Variants in FER observed in about 807,000 individuals in gnomAD.
FER encodes FER tyrosine kinase, also known as tyrosine-protein kinase Fer.
A neutral mutation model predicts 111.0 loss-of-function variants in FER; 63 were observed. The ratio of observed to expected loss-of-function variants is 0.57; its 90% CI spans 0.46 to 0.70. FER has a LOEUF of 0.70. FER is among the 30% of genes least tolerant of loss of function. FER has a pLI of 0.00. For synonymous variants in FER, 327 were observed against 313.9 expected (o/e 1.04, Z -0.44); for missense variants, 914 against 954.0 (o/e 0.96, Z 0.55).
chr5:109,178,833 A>G (rs756143547), intron 17 of FER, among the ~76,000 whole-genome samples: 8 of 152,218 alleles, frequency 5.3e-5, no homozygotes, highest in Admixed American at 6.5e-5. Context: ...ATCTAGTTCT[A>G]CAACACATCA....
chr5:109,069,681 TG>T (rs1337072684), intron 16 of FER, among the ~76,000 whole-genome samples: 1 of 152,120 alleles, frequency 6.6e-6, no homozygotes, highest in African/African-American at 2.4e-5. Flanking sequence ...ATGACAAGGT[TG>T]TTGCCAAAAG....
intron 1 of FER, among the ~76,000 whole-genome samples, chr5:108,750,577 A>G (rs1750368424): frequency 6.6e-6 from 1 of 152,214 alleles, no homozygotes; most frequent in African/African-American, 2.4e-5. Context: ...AATATACATA[A>G]TCTAAAACTA....
intron 1 of FER, among the ~76,000 whole-genome samples, chr5:108,760,444 C>A (rs1024601109): frequency 2.0e-5 from 3 of 152,122 alleles, no homozygotes; most frequent in Admixed American, 6.6e-5. Context: ...CTATGAAAGT[C>A]CCAGATGACA....
chr5:108,762,380 T>A (rs1751857250), intron 1 of FER, among the ~76,000 whole-genome samples: 1 of 152,224 alleles, frequency 6.6e-6, no homozygotes, highest in Non-Finnish European at 1.5e-5. Context: ...ATACCTATAA[T>A]CTGACTTGCT....
chr5:109,124,118 AC>A (rs1284995567), intron 17 of FER, among the ~76,000 whole-genome samples: 1 of 152,106 alleles, frequency 6.6e-6, no homozygotes, highest in African/African-American at 2.4e-5. Context: ...AATCCCAGCT[AC>A]AAAAGGCTGA....
intron 13 of FER, among the ~76,000 whole-genome samples, chr5:109,028,201 GC>G: frequency 6.6e-6 from 1 of 152,100 alleles, no homozygotes; most frequent in East Asian, 1.9e-4. Context: ...CAACTGTAAA[GC>G]TTTTTGTGAT....
chr5:108,979,166 A>G (rs1761746858), intron 13 of FER, among the ~76,000 whole-genome samples: 1 of 152,180 alleles, frequency 6.6e-6, no homozygotes, highest in Non-Finnish European at 1.5e-5. Context: ...TTGTGGTTAT[A>G]GACAATTAAA....
intron 10 of FER, among the ~76,000 whole-genome samples, chr5:108,923,005 A>G (rs904754337): frequency 6.6e-6 from 1 of 152,140 alleles, no homozygotes; most frequent in Non-Finnish European, 1.5e-5. Flanking sequence ...TTTTTTGGCT[A>G]TATAACTTTG....
chr5:109,002,281 A>G (rs1263496717), intron 13 of FER, among the ~76,000 whole-genome samples: 2 of 152,138 alleles, frequency 1.3e-5, no homozygotes, highest in East Asian at 3.9e-4. Flanking sequence ...GGAGATATAG[A>G]CCAATGGAAC....
intron 5 of FER, among the ~76,000 whole-genome samples, chr5:108,837,176 C>T (rs1251197292): frequency 6.6e-6 from 1 of 152,188 alleles, no homozygotes; most frequent in African/African-American, 2.4e-5. Context: ...GATTTTCAAA[C>T]TTCCTATACC....
intron 10 of FER, among the ~76,000 whole-genome samples, chr5:108,914,233 G>C (rs57482133): frequency 0.03 from 2,242 of 75,600 alleles, 40 homozygotes; most frequent in African/African-American, 0.12. Context: ...TTGTCTCTCT[G>C]TGTGTGTGTG....
At chr5:108,822,561 A>G (rs1330042634) in intron 3 of FER, among the ~76,000 whole-genome samples, 1 of 152,110 alleles carries the variant, frequency 6.6e-6, no homozygotes, top group Non-Finnish European at 1.5e-5. Flanking sequence ...CCATTGCTAC[A>G]AGAGCTAATC....
At chr5:108,973,414 A>G (rs1198760037) in intron 13 of FER, among the ~76,000 whole-genome samples, 1 of 152,164 alleles carries the variant, frequency 6.6e-6, no homozygotes, top group Non-Finnish European at 1.5e-5. Context: ...TTAAAAAGAT[A>G]TCTGCAAGTG....
At chr5:109,082,491 G>C (rs1278509789) in intron 16 of FER, among the ~76,000 whole-genome samples, 3 of 151,984 alleles carry the variant, frequency 2.0e-5, no homozygotes, top group African/African-American at 7.2e-5. Flanking sequence ...GTACGTTGTT[G>C]GGAAAGTCAA....
At chr5:108,763,929 G>C (rs115524340) in intron 1 of FER, among the ~76,000 whole-genome samples, 198 of 152,262 alleles carry the variant, frequency 1.3e-3, no homozygotes, top group African/African-American at 4.2e-3. Flanking sequence ...TCATCTTTCA[G>C]TTTAGCAACC....
intron 13 of FER, among the ~76,000 whole-genome samples, chr5:108,984,416 A>G (rs971343582): frequency 2.6e-5 from 4 of 152,172 alleles, no homozygotes; most frequent in Non-Finnish European, 4.4e-5. Flanking sequence ...AAGTTTAAAT[A>G]TCCTTAGGGA....
chr5:109,155,872 G>C (rs143141127), intron 17 of FER, among the ~76,000 whole-genome samples: 1 of 151,936 alleles, frequency 6.6e-6, no homozygotes, highest in Non-Finnish European at 1.5e-5. Context: ...GGTTATATCA[G>C]GGTTTCACTA....
chr5:108,779,788 C>G (rs1753853829), intron 2 of FER, among the ~76,000 whole-genome samples: 1 of 152,148 alleles, frequency 6.6e-6, no homozygotes, highest in Non-Finnish European at 1.5e-5. Context: ...AAATCTCCTT[C>G]TTATCTCACT....
At chr5:108,857,711 C>A (rs890529183) in intron 5 of FER, among the ~76,000 whole-genome samples, 2 of 151,642 alleles carry the variant, frequency 1.3e-5, no homozygotes, top group African/African-American at 4.8e-5. Flanking sequence ...AAGGGCTTTC[C>A]CCTCCTGTTT....
Sources: allele counts gnomAD v4.1 joint callset (sites outside exome capture counted in the v4.1 genomes callset), GRCh38; gene constraint gnomAD v4.1.1; transcripts MANE v1.5; gene names NCBI Gene and HGNC (gene_info 2026-07-23, HGNC 2026-07-21).